The following PCDH15 variants were observed in gnomAD, a reference collection of about 807,000 sequenced individuals.
The protein encoded by PCDH15 is protocadherin-15.
PCDH15 carries 129 observed loss-of-function variants against 178.5 expected under a neutral mutation model. That is an observed-to-expected ratio of 0.72 (90% CI 0.63 to 0.84). The LOEUF is 0.84. Among genes scored for constraint, PCDH15 ranks in the 40% least tolerant of loss-of-function variants. PCDH15 has a pLI of 0.00. For missense variants in PCDH15, 2,230 were observed against 2,099.9 expected (o/e 1.06, Z -1.21); for synonymous variants, 800 against 732.0 (o/e 1.09, Z -1.50).
intron 4 of PCDH15, among the ~76,000 whole-genome samples, chr10:54,373,294 T>A (rs1271097547): frequency 6.6e-6 from 1 of 151,804 alleles, no homozygotes; most frequent in Non-Finnish European, 1.5e-5. Context: ...TTTTTTGTCA[T>A]GATATTTCTG....
At chr10:55,343,624 G>GAA (rs149732673) in intron 2 of PCDH15, among the ~76,000 whole-genome samples, 25 of 148,644 alleles carry the variant, frequency 1.7e-4, no homozygotes, top group Admixed American at 3.4e-4. Flanking sequence ...AGCCCATCTT[G>GAA]AAAAAAAAAA....
intron 21 of PCDH15, among the ~76,000 whole-genome samples, chr10:53,992,555 C>G (rs535637910): frequency 1.3e-5 from 2 of 152,182 alleles, no homozygotes; most frequent in Non-Finnish European, 1.5e-5. Flanking sequence ...TGTTCACATA[C>G]TCACAAAAGA....
intron 1 of PCDH15, among the ~76,000 whole-genome samples, chr10:54,666,789 CT>C (rs2094579434): frequency 6.6e-6 from 1 of 151,964 alleles, no homozygotes; most frequent in Admixed American, 6.6e-5. Flanking sequence ...AGTTGTGTTC[CT>C]GTGTGGGTCC....
At chr10:54,935,212 C>T (rs1837875165) in intron 2 of PCDH15, among the ~76,000 whole-genome samples, 1 of 151,844 alleles carries the variant, frequency 6.6e-6, no homozygotes, top group South Asian at 2.1e-4. Context: ...CACGTGTACC[C>T]TAAAACTTAA....
At chr10:54,534,360 G>A (rs866306203) in intron 2 of PCDH15, among the ~76,000 whole-genome samples, 9 of 152,134 alleles carry the variant, frequency 5.9e-5, no homozygotes, top group South Asian at 4.1e-4. Context: ...AAATTTGCTT[G>A]AATTCCTATC....
At chr10:54,803,427 TA>T (rs1382591257), upstream of PCDH15, among the ~76,000 whole-genome samples, 2 of 152,176 alleles carry the variant, frequency 1.3e-5, no homozygotes, top group Non-Finnish European at 2.9e-5. Flanking sequence ...GGTCTTGAGT[TA>T]AGGTGGCTGG....
At chr10:54,623,214 T>A (rs996364706) in intron 2 of PCDH15, among the ~76,000 whole-genome samples, 2 of 152,070 alleles carry the variant, frequency 1.3e-5, no homozygotes, top group African/African-American at 4.8e-5. Context: ...CGACATCAAT[T>A]AATGAAGTAA....
intron 3 of PCDH15, among the ~76,000 whole-genome samples, chr10:54,850,047 C>T (rs1390462748): frequency 7.9e-5 from 12 of 151,956 alleles, no homozygotes; most frequent in Non-Finnish European, 2.9e-5. Context: ...GTCTAACAAT[C>T]TATGGATAAT....
chr10:55,392,526 C>A (rs1380821056), intron 2 of PCDH15, among the ~76,000 whole-genome samples: 1 of 152,000 alleles, frequency 6.6e-6, no homozygotes, highest in African/African-American at 2.4e-5. Flanking sequence ...CTCATGTCTC[C>A]TTAGGATCCT....
intron 5 of PCDH15, among the ~76,000 whole-genome samples, chr10:54,361,609 T>C (rs1589035636): frequency 2.6e-5 from 4 of 152,144 alleles, no homozygotes; most frequent in Middle Eastern, 6.8e-3. Context: ...ATTATACAGG[T>C]AGGAAGTGGT....
At chr10:54,359,668 AT>A (rs1945680099) in intron 5 of PCDH15, among the ~76,000 whole-genome samples, 1 of 152,168 alleles carries the variant, frequency 6.6e-6, no homozygotes, top group South Asian at 2.1e-4. Flanking sequence ...TTAATAAGAT[AT>A]ACTTATAGAA....
chr10:54,942,799 T>C (rs1838096985), intron 2 of PCDH15, among the ~76,000 whole-genome samples: 1 of 152,064 alleles, frequency 6.6e-6, no homozygotes, highest in Admixed American at 6.6e-5. Flanking sequence ...AACCACTGAA[T>C]AATATGTAAG....
chr10:54,945,461 CT>C (rs5785103), intron 2 of PCDH15, among the ~76,000 whole-genome samples: 28,872 of 145,354 alleles, frequency 0.2, 3,194 homozygotes, highest in African/African-American at 0.3. Flanking sequence ...ATTATTTTGC[CT>C]TTTTTTTTTG....
At chr10:54,050,393 G>A (rs533616522) in intron 18 of PCDH15, among the ~76,000 whole-genome samples, 1 of 152,104 alleles carries the variant, frequency 6.6e-6, no homozygotes, top group South Asian at 2.1e-4. Flanking sequence ...ATTTCTGTGA[G>A]GTTAATTGTA....
At chr10:54,279,897 T>G (rs762059149) in intron 8 of PCDH15, among the ~76,000 whole-genome samples, 1 of 151,728 alleles carries the variant, frequency 6.6e-6, no homozygotes, top group African/African-American at 2.4e-5. Context: ...TGTAGGACAT[T>G]AAGCTTGCTA....
chr10:54,553,669 C>T (rs1378677913), intron 2 of PCDH15, among the ~76,000 whole-genome samples: 3 of 152,126 alleles, frequency 2.0e-5, no homozygotes, highest in African/African-American at 7.2e-5. Context: ...CATAAATTTT[C>T]CCTGGAGTCA....
chr10:54,421,158 T>C (rs1414708457), intron 3 of PCDH15, among the ~76,000 whole-genome samples: 1 of 152,130 alleles, frequency 6.6e-6, no homozygotes, highest in Admixed American at 6.6e-5. Context: ...AAGTTTTACG[T>C]TTCAATATTA....
intron 2 of PCDH15, among the ~76,000 whole-genome samples, chr10:54,616,971 T>C (rs78500134): frequency 0.032 from 4,899 of 152,170 alleles, 236 homozygotes; most frequent in African/African-American, 0.11. Context: ...AGTTCATAAG[T>C]GATATGTCAT....
In PCDH15 at chr10:53,840,539, T is replaced by C. The variant is rs1362774199; in HGVS notation, c.3807-43A>G. 3 of 1,554,946 alleles carry C rather than the reference T, an allele frequency of 1.9e-6. No homozygotes were observed. The South Asian group carries it at 3.3e-5, about 17-fold the overall frequency. The stretch of plus-strand genomic sequence containing the variant: ...TACAAACATGACAGTCCAATGGGCT[T>C]TCTGGGAGTAAAAAATTACTCTTAA... On this transcript the variant is annotated intron_variant, in intron 28 of 37. Transcript: ENST00000644397.
Sources: allele counts gnomAD v4.1 joint callset (sites outside exome capture counted in the v4.1 genomes callset), GRCh38; gene constraint gnomAD v4.1.1; transcripts MANE v1.5; gene names NCBI Gene and HGNC (gene_info 2026-07-23, HGNC 2026-07-21).